SUSD1: variants seen among roughly 807,000 people sequenced by gnomAD.
SUSD1 encodes sushi domain containing 1.
Under a neutral mutation model 86.9 loss-of-function variants are expected in SUSD1, and 65 were observed. That is an observed-to-expected ratio of 0.75 (90% CI 0.61 to 0.92). The LOEUF is 0.92. Among genes scored for constraint, SUSD1 ranks in the 40% least tolerant of loss-of-function variants. SUSD1 has a pLI of 0.00. For synonymous variants in SUSD1, 346 were observed against 350.0 expected (o/e 0.99, Z 0.13); for missense variants, 850 against 929.7 (o/e 0.91, Z 1.11).
chr9:112,157,433 T>C, intron 2 of SUSD1, 67 bp downstream of exon 2: 1 of 1,143,062 alleles, frequency 8.7e-7, no homozygotes. Flanking sequence ...GGACATCAAC[T>C]CTTTAATACA....
chr9:112,155,484 G>T (rs556651235), intron 2 of SUSD1, among the ~76,000 whole-genome samples: 1 of 152,120 alleles, frequency 6.6e-6, no homozygotes, highest in Non-Finnish European at 1.5e-5. Flanking sequence ...GTCAAAGAAG[G>T]CTTCACTCCA....
Position 112,151,801 on chromosome 9 carries a change from GC to G in SUSD1, c.218-2403del, listed in dbSNP as rs538447293. On this transcript the variant is annotated intron_variant, in intron 2 of 16. Transcript: ENST00000374270. Reference sequence around the variant, plus strand: ...GCCTGTAATCCCAGCACTTTGGGAGGCTGAGGTGGGCGGATCACCTGAGGTC... The same window carrying G: ...GCCTGTAATCCCAGCACTTTGGGAGGTGAGGTGGGCGGATCACCTGAGGTC... 1.8e-3 allele frequency among the ~76,000 whole-genome samples: 267 copies of G among 152,054 alleles called. 3 individuals carry two copies. Among genetic ancestry groups the G allele is most frequent in the Middle Eastern group, 0.014 (4 of 294 alleles).
intron 13 of SUSD1, 105 bp downstream of exon 13, chr9:112,062,832 C>T (rs2131500482): frequency 1.4e-6 from 1 of 728,658 alleles, no homozygotes; most frequent in East Asian, 2.5e-5. Context: ...TCTAACCACC[C>T]AAGTGCAGCC....
intron 15 of SUSD1, among the ~76,000 whole-genome samples, chr9:112,045,074 GC>G (rs1175945013): frequency 2.6e-5 from 4 of 152,222 alleles, no homozygotes; most frequent in Non-Finnish European, 5.9e-5. Flanking sequence ...GCATTAAGAT[GC>G]CATCTTTGTG....
intron 1 of SUSD1, among the ~76,000 whole-genome samples, chr9:112,158,606 G>A (rs1833440060): frequency 6.6e-6 from 1 of 152,034 alleles, no homozygotes; most frequent in East Asian, 1.9e-4. Flanking sequence ...TGTCAAGGCT[G>A]GTCTCGAACC....
At chr9:112,138,481 C>T (rs1472500673) in intron 5 of SUSD1, among the ~76,000 whole-genome samples, 3 of 144,174 alleles carry the variant, frequency 2.1e-5, no homozygotes, top group Non-Finnish European at 3.0e-5. Flanking sequence ...TTTTTTGAGA[C>T]GGAGTCTTGC....
chr9:112,101,348 C>A (rs1291669835), intron 9 of SUSD1, among the ~76,000 whole-genome samples: 3 of 151,912 alleles, frequency 2.0e-5, no homozygotes, highest in Non-Finnish European at 4.4e-5. Flanking sequence ...GGTAACAGAG[C>A]AAGACTCGGT....
At chr9:112,066,124 C>T (rs1015221493) in intron 12 of SUSD1, among the ~76,000 whole-genome samples, 13 of 152,204 alleles carry the variant, frequency 8.5e-5, no homozygotes, top group Admixed American at 2.0e-4. Context: ...AAGTCTCCTT[C>T]GCTACATTGC....
intron 8 of SUSD1, among the ~76,000 whole-genome samples, chr9:112,108,507 G>A (rs529030482): frequency 1.6e-4 from 24 of 151,694 alleles, no homozygotes; most frequent in Admixed American, 7.2e-4. Flanking sequence ...GCTGTGCACC[G>A]TGACTCACAC....
At chr9:112,155,827 G>A (rs899967334) in intron 2 of SUSD1, among the ~76,000 whole-genome samples, 1 of 151,426 alleles carries the variant, frequency 6.6e-6, no homozygotes, top group African/African-American at 2.4e-5. Flanking sequence ...AGAAGAAAAG[G>A]AAGAAGAGAA....
intron 6 of SUSD1, among the ~76,000 whole-genome samples, chr9:112,118,716 C>T (rs1260283845): frequency 1.3e-5 from 2 of 152,152 alleles, no homozygotes; most frequent in African/African-American, 2.4e-5. Context: ...AATTCCTGAC[C>T]TCAGGTGATC....
At chr9:112,136,920 A>G (rs1009396153) in intron 5 of SUSD1, among the ~76,000 whole-genome samples, 1 of 152,180 alleles carries the variant, frequency 6.6e-6, no homozygotes, top group African/African-American at 2.4e-5. Flanking sequence ...CACACTGTGC[A>G]TGAACGTGCA....
intron 6 of SUSD1, among the ~76,000 whole-genome samples, chr9:112,117,924 G>A (rs1831396130): frequency 6.6e-6 from 1 of 152,160 alleles, no homozygotes; most frequent in Non-Finnish European, 1.5e-5. Flanking sequence ...ACAGTGAAGT[G>A]GGGGTGTTCG....
intron 1 of SUSD1, chr9:112,173,543 G>A: frequency 3.1e-6 from 1 of 322,042 alleles, no homozygotes; most frequent in Admixed American, 3.6e-5. Context: ...GCTTTGTAGG[G>A]GCCTGAGCTC....
chr9:112,052,186 C>G (rs898176530), intron 15 of SUSD1: 12 of 1,484,854 alleles, frequency 8.1e-6, no homozygotes, highest in Non-Finnish European at 1.1e-5. Flanking sequence ...GTTCCTGGAG[C>G]CTTCTTGGTG....
rs1832745391 is a variant in SUSD1 at position 112,144,960 on chromosome 9, G to GCTGGGCATGC, written c.374-1347_374-1338dup. ...CTTTAAAACTTTAAGAATTCCATCAGCTGGGCATGCCTGGGCATGCCTATG... is the reference window on the plus strand; with the variant it reads ...CTTTAAAACTTTAAGAATTCCATCAGCTGGGCATGCCTGGGCATGCCTGGGCATGCCTATG... On this transcript the variant is annotated intron_variant, in intron 3 of 16. Transcript: ENST00000374270. Among the ~76,000 whole-genome samples the GCTGGGCATGC allele has an allele frequency of 2.0e-5, 3 of 152,212 alleles. No individual in the cohort carries two copies. The South Asian group carries it at 6.2e-4, about 32-fold the overall frequency.
At chr9:112,069,908 A>G (rs1829183760) in intron 12 of SUSD1, among the ~76,000 whole-genome samples, 1 of 152,144 alleles carries the variant, frequency 6.6e-6, no homozygotes, top group Non-Finnish European at 1.5e-5. Context: ...CACCACAGTC[A>G]TCTGGTTCAA....
chr9:112,096,302 T>C (rs1373227026), intron 10 of SUSD1, among the ~76,000 whole-genome samples: 1 of 152,126 alleles, frequency 6.6e-6, no homozygotes, highest in Non-Finnish European at 1.5e-5. Flanking sequence ...TTCCATGACA[T>C]TCCTAGAATA....
Position 112,109,365 on chromosome 9 carries a change from C to G in SUSD1, c.1171+2289G>C, listed in dbSNP as rs577013238. ...TAACTCCAATAATGAAATCAGACAA[C>G]AGAATGTCCAGGATCTAGAGGAAAA... On this transcript the variant is annotated intron_variant, in intron 8 of 16. Transcript: ENST00000374270. Among the ~76,000 whole-genome samples, 18 of 152,258 alleles carry G rather than the reference C, an allele frequency of 1.2e-4. No homozygotes were observed. In the East Asian group the frequency reaches 3.3e-3, roughly 28 times the overall value.
Sources: gnomAD v4.1 joint callset for allele counts (sites outside exome capture counted in the v4.1 genomes callset) on GRCh38, gnomAD v4.1.1 for gene constraint, MANE v1.5 for transcripts, NCBI Gene and HGNC (gene_info 2026-07-23, HGNC 2026-07-21) for gene names.